GAREM1: variants seen among roughly 807,000 people sequenced by gnomAD.
GAREM1 encodes the protein GRB2 associated regulator of MAPK1 subtype 1, also known as GRB2-associated and regulator of MAPK protein 1.
A neutral mutation model predicts 71.3 loss-of-function variants in GAREM1; 26 were observed. That is an observed-to-expected ratio of 0.36 (90% CI 0.27 to 0.51). GAREM1 has a LOEUF of 0.51. Among genes scored for constraint, GAREM1 ranks in the 20% least tolerant of loss-of-function variants. GAREM1 has a pLI of 0.95. For synonymous variants in GAREM1, 440 were observed against 433.2 expected (o/e 1.02, Z -0.20); for missense variants, 1,026 against 1,103.1 (o/e 0.93, Z 0.99).
At chr18:32,414,681 A>C (rs2048451633) in intron 1 of GAREM1, among the ~76,000 whole-genome samples, 1 of 152,118 alleles carries the variant, frequency 6.6e-6, no homozygotes, top group Admixed American at 6.6e-5. Context: ...ACGACAATGG[A>C]AACACAACAT....
intron 1 of GAREM1, among the ~76,000 whole-genome samples, chr18:32,396,960 G>C (rs948544682): frequency 6.6e-6 from 1 of 152,082 alleles, no homozygotes; most frequent in Non-Finnish European, 1.5e-5. Context: ...CGGATCTCTC[G>C]GCAGAAACTC....
chr18:32,410,919 C>T (rs1348504838), intron 1 of GAREM1, among the ~76,000 whole-genome samples: 1 of 152,160 alleles, frequency 6.6e-6, no homozygotes, highest in Non-Finnish European at 1.5e-5. Context: ...TCTCGTGCTT[C>T]AGCTTCCCAA....
chr18:32,285,800 TTGA>T (rs2047009018), intron 4 of GAREM1, among the ~76,000 whole-genome samples: 1 of 152,236 alleles, frequency 6.6e-6, no homozygotes, highest in Non-Finnish European at 1.5e-5. Context: ...CCAGGTTTTC[TTGA>T]TGATTGTATT....
At chr18:32,354,856 G>A (rs1221596509) in intron 2 of GAREM1, among the ~76,000 whole-genome samples, 9 of 152,242 alleles carry the variant, frequency 5.9e-5, no homozygotes, top group African/African-American at 2.2e-4. Flanking sequence ...AAGCAGTGAC[G>A]GTATTTGCCT....
intron 2 of GAREM1, among the ~76,000 whole-genome samples, chr18:32,362,130 T>C (rs572253975): frequency 5.1e-4 from 77 of 152,302 alleles, no homozygotes; most frequent in Non-Finnish European, 4.4e-4. Context: ...CGCACTGCTA[T>C]GCTCTTCACC....
At chr18:32,465,546 T>A (rs1262920832) in intron 1 of GAREM1, among the ~76,000 whole-genome samples, 1 of 152,180 alleles carries the variant, frequency 6.6e-6, no homozygotes, top group East Asian at 1.9e-4. Flanking sequence ...ACTGCTCCTG[T>A]TCTACCTACT....
chr18:32,412,071 T>C (rs1223766432), intron 1 of GAREM1: 7 of 706,356 alleles, frequency 9.9e-6, no homozygotes, highest in Non-Finnish European at 1.8e-5. Context: ...CCCATACACA[T>C]GAGTATTTGT....
intron 1 of GAREM1, among the ~76,000 whole-genome samples, chr18:32,405,095 T>G (rs1278373138): frequency 6.6e-6 from 1 of 152,244 alleles, no homozygotes; most frequent in African/African-American, 2.4e-5. Flanking sequence ...ATAAATAGTG[T>G]GGCATAATTT....
intron 4 of GAREM1, among the ~76,000 whole-genome samples, chr18:32,282,122 T>G (rs1381394956): frequency 6.6e-6 from 1 of 152,126 alleles, no homozygotes; most frequent in Non-Finnish European, 1.5e-5. Flanking sequence ...TGACTCTCTT[T>G]TCGGACTCAG....
At chr18:32,279,450 T>G (rs575638229) in intron 4 of GAREM1, among the ~76,000 whole-genome samples, 3 of 152,316 alleles carry the variant, frequency 2.0e-5, no homozygotes, top group African/African-American at 7.2e-5. Context: ...GAACTGCACA[T>G]GTGAGGGATC....
intron 1 of GAREM1, chr18:32,412,123 C>T: frequency 1.1e-6 from 1 of 904,938 alleles, no homozygotes; most frequent in East Asian, 2.5e-5. Context: ...CCTGCCACCA[C>T]TGTGCTTGGC....
intron 2 of GAREM1, among the ~76,000 whole-genome samples, chr18:32,346,047 T>C (rs1415500213): frequency 6.6e-6 from 1 of 152,224 alleles, no homozygotes; most frequent in Non-Finnish European, 1.5e-5. Flanking sequence ...TCTTAACTAC[T>C]TGAATATATC....
intron 1 of GAREM1, among the ~76,000 whole-genome samples, chr18:32,445,706 G>A (rs1341735925): frequency 3.3e-5 from 5 of 152,068 alleles, no homozygotes; most frequent in African/African-American, 1.2e-4. Context: ...TGTTTCGCAG[G>A]ACTGTAATGT....
rs56983416 is a variant in GAREM1, at chr18:32,429,952, T to A, written c.122-36917A>T. 5.4e-3 allele frequency among the ~76,000 whole-genome samples: 826 copies of A among 152,298 alleles called. 5 individuals are homozygous for A. Among genetic ancestry groups the A allele is most frequent in the African/African-American group, 0.019 (772 of 41,560 alleles). On this transcript the variant is annotated intron_variant, in intron 1 of 5. Transcript: ENST00000269209. ...ACTGGTAAACAAGTTCAAAAAATAC[T>A]AGAAATCATGGCTTGTCATGGACAA...
At chr18:32,303,924 A>G (rs1482747846) in intron 3 of GAREM1, among the ~76,000 whole-genome samples, 4 of 151,064 alleles carry the variant, frequency 2.6e-5, no homozygotes, top group African/African-American at 9.8e-5. Context: ...CTTAAAAAAA[A>G]AGAAAGAGGG....
chr18:32,330,079 C>T (rs1192052634), intron 2 of GAREM1, among the ~76,000 whole-genome samples: 1 of 152,086 alleles, frequency 6.6e-6, no homozygotes, highest in Non-Finnish European at 1.5e-5. Context: ...CAGCACTACT[C>T]ACAATAGCAA....
chr18:32,454,731 T>C (rs890627833), intron 1 of GAREM1, among the ~76,000 whole-genome samples: 2 of 152,226 alleles, frequency 1.3e-5, no homozygotes, highest in African/African-American at 4.8e-5. Flanking sequence ...GAATCATCAC[T>C]TCTTTCCTTG....
At chr18:32,396,485 T>C (rs999964611) in intron 1 of GAREM1, among the ~76,000 whole-genome samples, 3 of 152,250 alleles carry the variant, frequency 2.0e-5, no homozygotes, top group Non-Finnish European at 4.4e-5. Context: ...CTGAAAACCA[T>C]GGCACGAGAA....
chr18:32,322,105 A>G (rs545844966), intron 2 of GAREM1, among the ~76,000 whole-genome samples: 3 of 152,270 alleles, frequency 2.0e-5, no homozygotes, highest in African/African-American at 7.2e-5. Flanking sequence ...GGCTCTAGTG[A>G]TTTTTTTAAG....
Sources: allele counts gnomAD v4.1 joint callset (sites outside exome capture counted in the v4.1 genomes callset), GRCh38; gene constraint gnomAD v4.1.1; transcripts MANE v1.5; gene names NCBI Gene and HGNC (gene_info 2026-07-23, HGNC 2026-07-21).